The following CA5B variants were observed in gnomAD, a reference collection of about 807,000 sequenced individuals.
CA5B encodes the protein carbonic anhydrase 5B, mitochondrial.
Under a neutral mutation model 23.1 loss-of-function variants are expected in CA5B, and 15 were observed. That is an observed-to-expected ratio of 0.65 (90% confidence interval 0.43 to 1.00). The LOEUF (loss-of-function observed/expected upper bound fraction) is 1.00, where lower values mean the gene tolerates loss of function less well. Ranked by LOEUF, CA5B falls within the 50% of genes least tolerant of loss-of-function variation. The probability of loss-of-function intolerance (pLI) is 0.00; values close to 1 mark genes in which losing one functional copy is unlikely to be tolerated. For missense variants in CA5B, 236 were observed against 252.2 expected (o/e 0.94, Z 0.43); for synonymous variants, 84 against 98.5 (o/e 0.85, Z 0.87).
Position 15,782,890 on chromosome X carries a change from T to A in CA5B, c.*226T>A. ...TGGTAATTGTAATGCCTTTTTTTTT[T>A]CTTTAAGAGACTAGGTCTTGCTCTG... is the stretch of plus-strand genomic sequence containing the variant. On this transcript the variant is annotated 3_prime_UTR_variant, in exon 8 of 8. Transcript: ENST00000318636. 3.1e-6 allele frequency: 1 copy of A among 323,676 alleles called. No homozygotes were observed. Among genetic ancestry groups the A allele is most frequent in the Non-Finnish European group, 5.3e-6 (1 of 187,855 alleles). 26.7% of individuals were successfully genotyped at this position (323,676 alleles called of 1,213,427 possible).
In CA5B at chrX:15,782,656, AC is replaced by A. The variant is rs779199386; in HGVS notation, c.951del (p.Ter318LysfsTer20). On this transcript the variant is annotated frameshift_variant, in exon 8 of 8. Coordinates refer to ENST00000318636, the MANE Select transcript of CA5B (RefSeq NM_007220.4). LOFTEE classifies it high-confidence loss of function. ...AKPKPATSQA[T>X]P ...ACCCAAGCCGGCCACCAGCCAAGCAACCCCCTAAAACATTCATATCTAGGCA... is the reference window on the plus strand; with the variant it reads ...ACCCAAGCCGGCCACCAGCCAAGCAACCCCTAAAACATTCATATCTAGGCA... 5.9e-5 allele frequency: 70 copies of A among 1,180,327 alleles called. No homozygotes were observed. The African/African-American group carries it at 9.7e-4, about 16-fold the overall frequency.
rs773448438 is a variant in CA5B, at chrX:15,773,696, A to T, written c.460-606A>T. ...AGTGCTGGGATTACAGGCGTGAGCC[A>T]CCGCGCCCGGCCTGCCCTGCTAATT... On this transcript the variant is annotated intron_variant, in intron 4 of 7. Transcript: ENST00000318636. 2.7e-5 allele frequency among the ~76,000 whole-genome samples: 3 copies of T among 110,516 alleles called. No homozygotes were observed. The South Asian group carries it at 1.2e-3, about 43-fold the overall frequency.
intron 1 of CA5B, among the ~76,000 whole-genome samples, chrX:15,738,570 T>C (rs1427038053): frequency 9.0e-6 from 1 of 110,860 alleles, no homozygotes; most frequent in African/African-American, 3.3e-5. Context: ...GCCCTCTTCC[T>C]CCACTATGGG....
chrX:15,744,302 G>A (rs1314710029), intron 1 of CA5B, among the ~76,000 whole-genome samples: 2 of 112,735 alleles, frequency 1.8e-5, no homozygotes, highest in Non-Finnish European at 1.9e-5. Flanking sequence ...TTTCCCAGAT[G>A]TCTCTGAATG....
At chrX:15,769,203 GA>G (rs1426395656) in intron 3 of CA5B, among the ~76,000 whole-genome samples, 1 of 111,207 alleles carries the variant, frequency 9.0e-6, no homozygotes, top group Non-Finnish European at 1.9e-5. Context: ...GGGAGACCAA[GA>G]AAAAAATAAA....
chrX:15,757,930 G>A (rs1027443317), intron 2 of CA5B, among the ~76,000 whole-genome samples: 4 of 110,895 alleles, frequency 3.6e-5, no homozygotes, highest in African/African-American at 9.8e-5. Context: ...TTTTAGCGTA[G>A]GAGCAATGTG....
intron 1 of CA5B, among the ~76,000 whole-genome samples, chrX:15,746,079 T>C (rs66963203): frequency 5.4e-4 from 5 of 9,204 alleles, no homozygotes; most frequent in Admixed American, 3.0e-3. Context: ...ACTCTGTCAC[T>C]CAGGCTGGAG....
At chrX:15,765,443 A>G (rs1931687196) in intron 3 of CA5B, 1 of 113,580 alleles carries the variant, frequency 8.8e-6, no homozygotes, top group African/African-American at 3.2e-5. Flanking sequence ...TATAGTGTCT[A>G]TGGAAGACAG....
chrX:15,745,183 A>AAAAAAAAAAAAAAG (rs1555992328), intron 1 of CA5B, among the ~76,000 whole-genome samples: 11 of 86,776 alleles, frequency 1.3e-4, no homozygotes, highest in South Asian at 5.2e-4. Context: ...AAAAAAAAAA[A>AAAAAAAAAAAAAAG]AAAAGAAAAG....
chrX:15,750,080 G>A lies in CA5B; in HGVS notation c.57G>A (p.Leu19=), dbSNP rs771799122. ...TTCAAGCCTCTCCAGGCAAATTGCTGTGGAGAAAGTTCCAGATTCCGAGAT... is the reference window on the plus strand; with the variant it reads ...TTCAAGCCTCTCCAGGCAAATTGCTATGGAGAAAGTTCCAGATTCCGAGAT... The part of the protein sequence containing the change: ...VILQASPGKL[L]WRKFQIPRFM... Residue 19 remains leucine, a synonymous_variant, in exon 2 of 8, where the codon CTG becomes CTA. Coordinates refer to ENST00000318636, the MANE Select transcript of CA5B (RefSeq NM_007220.4). 1 of 1,209,031 alleles carries A rather than the reference G, an allele frequency of 8.3e-7. No individual in the cohort carries two copies.
At chrX:15,758,945 A>G (rs867979806) in intron 2 of CA5B, among the ~76,000 whole-genome samples, 1 of 112,284 alleles carries the variant, frequency 8.9e-6, no homozygotes, top group Middle Eastern at 4.6e-3. Flanking sequence ...AATTAGACAC[A>G]TACGCATATA....
At chrX:15,744,248 C>CA (rs1396788336) in intron 1 of CA5B, among the ~76,000 whole-genome samples, 2 of 113,062 alleles carry the variant, frequency 1.8e-5, no homozygotes, top group African/African-American at 6.4e-5. Flanking sequence ...TGCCATGCCT[C>CA]AGTGCTTTCC....
At chrX:15,751,355 GTTTAT>G (rs1931350521) in intron 2 of CA5B, among the ~76,000 whole-genome samples, 1 of 111,699 alleles carries the variant, frequency 9.0e-6, no homozygotes, top group African/African-American at 3.3e-5. Context: ...TTCACTGTAA[GTTTAT>G]TTTGTTTCCT....
rs987070256 is a variant in CA5B at position 15,750,182 on chromosome X, C to T, written c.142+17C>T. 10 of 1,143,404 alleles carry T rather than the reference C, an allele frequency of 8.7e-6. No individual in the cohort carries two copies. Among genetic ancestry groups the T allele is most frequent in the East Asian group, 6.0e-5 (2 of 33,268 alleles). 94.2% of individuals were successfully genotyped at this position (1,143,404 alleles called of 1,213,427 possible). A position where few individuals can be genotyped will look rare whatever the true frequency, so the allele number is the denominator to read the frequency against. On this transcript the variant is annotated intron_variant, in intron 2 of 7. Transcript: ENST00000318636. ...ACCGAGCCTGTGAGTACACCACTTC[C>T]TTAAAGAGAACAAAAAGGGCTCCAG...
chrX:15,757,989 A>G (rs1931528891), intron 2 of CA5B, among the ~76,000 whole-genome samples: 1 of 111,487 alleles, frequency 9.0e-6, no homozygotes, highest in Admixed American at 9.6e-5. Flanking sequence ...ACTCAGGAGT[A>G]GAGGAGAGTT....
chrX:15,749,986 C>T lies in CA5B; in HGVS notation c.-38C>T, dbSNP rs780876826. The T allele has an allele frequency of 1.6e-5, 19 of 1,198,393 alleles. No homozygotes were observed. In the South Asian group the frequency reaches 2.3e-4, roughly 15 times the overall value. ...ATCCCTCTAGATTATTAAGTTCCTG[C>T]AACTTAACTGGGAACTGATCAAGAT... On this transcript the variant is annotated 5_prime_UTR_variant, in exon 2 of 8. Transcript: ENST00000318636.
intron 1 of CA5B, among the ~76,000 whole-genome samples, chrX:15,744,582 T>C (rs1409514466): frequency 8.9e-6 from 1 of 112,112 alleles, no homozygotes; most frequent in East Asian, 2.8e-4. Flanking sequence ...CCTTTTCCAC[T>C]TGTTTGCCCA....
At position 15,749,263 on chromosome X, in the gene CA5B, A is replaced by G. The variant is rs529279194; in HGVS notation, c.-53-708A>G. 7.1e-5 allele frequency among the ~76,000 whole-genome samples: 8 copies of G among 111,932 alleles called. No individual in the cohort carries two copies. In the South Asian group the frequency reaches 2.2e-3, roughly 31 times the overall value. ...TCAAAGTTAATATTACCATAACTTCAGAACACCATAGTGAATACCTTGGAA... is the reference window on the plus strand; with the variant it reads ...TCAAAGTTAATATTACCATAACTTCGGAACACCATAGTGAATACCTTGGAA... On this transcript the variant is annotated intron_variant, in intron 1 of 7. Transcript: ENST00000318636.
intron 2 of CA5B, among the ~76,000 whole-genome samples, chrX:15,754,539 T>C (rs1931452325): frequency 8.9e-6 from 1 of 112,343 alleles, no homozygotes; most frequent in African/African-American, 3.2e-5. Context: ...ACAGTAACTG[T>C]TGATAGTCCT....
Sources: gnomAD v4.1 joint callset for allele counts (sites outside exome capture counted in the v4.1 genomes callset) on GRCh38, gnomAD v4.1.1 for gene constraint, MANE v1.5 for transcripts, NCBI Gene and HGNC (gene_info 2026-07-23, HGNC 2026-07-21) for gene names.